KCNIP4: variants seen among roughly 807,000 people sequenced by gnomAD.
KCNIP4 encodes potassium voltage-gated channel interacting protein 4, also known as Kv channel-interacting protein 4.
KCNIP4 carries 12 observed loss-of-function variants against 34.0 expected under a neutral mutation model. The observed-to-expected ratio is 0.35, with a 90% CI of 0.23 to 0.57. The LOEUF is 0.57. Ranked by LOEUF, KCNIP4 falls within the 20% of genes least tolerant of loss-of-function variation. KCNIP4 has a pLI of 0.83. For missense variants in KCNIP4, 238 were observed against 311.7 expected (o/e 0.76, Z 1.78); for synonymous variants, 124 against 102.2 (o/e 1.21, Z -1.29).
At chr4:21,685,900 T>C (rs140280854) in intron 1 of KCNIP4, among the ~76,000 whole-genome samples, 1 of 152,344 alleles carries the variant, frequency 6.6e-6, no homozygotes, top group African/African-American at 2.4e-5. Context: ...TTGCATGTAT[T>C]TGGGAACATA....
At chr4:21,621,178 AT>A (rs1251052581) in intron 1 of KCNIP4, among the ~76,000 whole-genome samples, 2 of 152,200 alleles carry the variant, frequency 1.3e-5, no homozygotes, top group African/African-American at 4.8e-5. Flanking sequence ...AACTACTCAA[AT>A]TTAATTTAAA....
At chr4:20,864,133 T>C (rs554673574) in intron 2 of KCNIP4, among the ~76,000 whole-genome samples, 23 of 142,512 alleles carry the variant, frequency 1.6e-4, no homozygotes, top group South Asian at 4.3e-4. Flanking sequence ...TATACACATG[T>C]ATGTATACAT....
At chr4:21,321,504 A>G (rs1714411375) in intron 1 of KCNIP4, among the ~76,000 whole-genome samples, 1 of 152,106 alleles carries the variant, frequency 6.6e-6, no homozygotes. Flanking sequence ...ACGGAATAAA[A>G]TATTAAATGG....
At position 21,211,424 on chromosome 4, in the gene KCNIP4, T is replaced by C. The variant is rs113264367; in HGVS notation, c.62-328715A>G. On this transcript the variant is annotated intron_variant, in intron 1 of 8. Coordinates refer to ENST00000382152, the MANE Select transcript of KCNIP4 (RefSeq NM_025221.6). ...ACCTTCTGTTGGATCAGCTGTGGCA[T>C]TAGAGTCTCATAAAAGTGCGGACCC... 1.3e-5 allele frequency among the ~76,000 whole-genome samples: 2 copies of C among 152,250 alleles called. 1 individual carries two copies. The highest frequency in any genetic ancestry group is 4.8e-5 in the African/African-American group (2 of 41,558).
intron 1 of KCNIP4, among the ~76,000 whole-genome samples, chr4:21,881,587 A>G (rs1726464633): frequency 6.6e-6 from 1 of 152,142 alleles, no homozygotes; most frequent in African/African-American, 2.4e-5. Context: ...TCAGAACTAT[A>G]CAGTAATTGT....
intron 1 of KCNIP4, among the ~76,000 whole-genome samples, chr4:21,608,055 A>G (rs75704920): frequency 6.6e-6 from 1 of 152,082 alleles, no homozygotes; most frequent in East Asian, 1.9e-4. Context: ...GCTTTTACTC[A>G]TGGTGCTTTT....
At chr4:20,877,690 G>A (rs1724212201) in intron 2 of KCNIP4, among the ~76,000 whole-genome samples, 1 of 152,074 alleles carries the variant, frequency 6.6e-6, no homozygotes, top group Admixed American at 6.6e-5. Context: ...GCTCTCCTGG[G>A]TGCCAACCGT....
chr4:20,789,439 A>G (rs1712443632), intron 3 of KCNIP4, among the ~76,000 whole-genome samples: 1 of 152,198 alleles, frequency 6.6e-6, no homozygotes, highest in Non-Finnish European at 1.5e-5. Context: ...ATAATATAGA[A>G]AAACAGCTTT....
At chr4:21,054,141 A>G (rs1743187615) in intron 1 of KCNIP4, among the ~76,000 whole-genome samples, 1 of 152,214 alleles carries the variant, frequency 6.6e-6, no homozygotes, top group Admixed American at 6.5e-5. Flanking sequence ...CAAAAGATAC[A>G]GAATAGCCAA....
intron 1 of KCNIP4, among the ~76,000 whole-genome samples, chr4:21,464,141 T>C (rs1182708838): frequency 6.6e-6 from 1 of 152,026 alleles, no homozygotes; most frequent in Non-Finnish European, 1.5e-5. Context: ...TCAATTTTAA[T>C]TTTTTTCTTA....
intron 1 of KCNIP4, among the ~76,000 whole-genome samples, chr4:21,515,047 C>A (rs1348349550): frequency 6.6e-6 from 1 of 152,158 alleles, no homozygotes; most frequent in Non-Finnish European, 1.5e-5. Flanking sequence ...TCCTAAATTT[C>A]TTTCAGTGGC....
chr4:21,503,885 G>A (rs1249881109), intron 1 of KCNIP4, among the ~76,000 whole-genome samples: 1 of 152,128 alleles, frequency 6.6e-6, no homozygotes, highest in Non-Finnish European at 1.5e-5. Context: ...ATCAAAAACA[G>A]CTTTCAGCTT....
intron 1 of KCNIP4, among the ~76,000 whole-genome samples, chr4:21,623,179 A>C (rs1745100576): frequency 6.6e-6 from 1 of 152,210 alleles, no homozygotes; most frequent in Admixed American, 6.5e-5. Flanking sequence ...TCTTCATTTT[A>C]ATAGCAGGAA....
At chr4:21,454,748 T>G (rs917469044) in intron 1 of KCNIP4, among the ~76,000 whole-genome samples, 1 of 152,140 alleles carries the variant, frequency 6.6e-6, no homozygotes, top group African/African-American at 2.4e-5. Context: ...ACAGTTTCTG[T>G]TTTATATTGA....
At chr4:20,768,263 G>A (rs1053688661) in intron 3 of KCNIP4, among the ~76,000 whole-genome samples, 1 of 152,106 alleles carries the variant, frequency 6.6e-6, no homozygotes, top group Non-Finnish European at 1.5e-5. Context: ...AATTTGCTCT[G>A]ATAATGTCCT....
rs538768698 is a variant in KCNIP4, at chr4:21,514,114, G to A, written c.61+434457C>T. Among the ~76,000 whole-genome samples the A allele has an allele frequency of 4.6e-5, 7 of 152,306 alleles. No individual in the cohort carries two copies. The East Asian group carries it at 9.6e-4, about 21-fold the overall frequency. ...TTGTCACTCTTTCTAACGTGAGGCTGTCAGACCTTCTAAAAAACCAGAAAA... is the reference window on the plus strand; with the variant it reads ...TTGTCACTCTTTCTAACGTGAGGCTATCAGACCTTCTAAAAAACCAGAAAA... On this transcript the variant is annotated intron_variant, in intron 1 of 8. Coordinates refer to ENST00000382152, the MANE Select transcript of KCNIP4 (RefSeq NM_025221.6).
At chr4:21,597,805 T>C (rs1421992846) in intron 1 of KCNIP4, among the ~76,000 whole-genome samples, 1 of 152,112 alleles carries the variant, frequency 6.6e-6, no homozygotes, top group African/African-American at 2.4e-5. Flanking sequence ...AATGCAGGTT[T>C]TTAGGATATT....
chr4:21,064,559 C>T (rs1341139738), intron 1 of KCNIP4, among the ~76,000 whole-genome samples: 1 of 152,070 alleles, frequency 6.6e-6, no homozygotes, highest in African/African-American at 2.4e-5. Context: ...GTTATCTTAG[C>T]TATAAAATAG....
At chr4:21,032,514 T>C (rs969978340) in intron 1 of KCNIP4, among the ~76,000 whole-genome samples, 3 of 152,158 alleles carry the variant, frequency 2.0e-5, no homozygotes, top group African/African-American at 7.2e-5. Context: ...GCATTCTTGA[T>C]GTTATTCAAG....
Sources: gnomAD v4.1 joint callset for allele counts (sites outside exome capture counted in the v4.1 genomes callset) on GRCh38, gnomAD v4.1.1 for gene constraint, MANE v1.5 for transcripts, NCBI Gene and HGNC (gene_info 2026-07-23, HGNC 2026-07-21) for gene names.